PCDHA6: variants seen among roughly 807,000 people sequenced by gnomAD.
The protein encoded by PCDHA6 is protocadherin alpha 6.
PCDHA6 carries 55 observed loss-of-function variants against 60.3 expected under a neutral mutation model. The observed-to-expected ratio is 0.91, with a 90% CI of 0.73 to 1.14. The LOEUF is 1.14. Ranked by LOEUF, PCDHA6 falls within the 50% of genes most tolerant of loss-of-function variation. The probability of loss-of-function intolerance (pLI) is 0.00; values close to 1 mark genes in which losing one functional copy is unlikely to be tolerated. For missense variants in PCDHA6, 1,327 were observed against 1,256.5 expected, an observed-to-expected ratio of 1.06 and a Z score of -0.85; for synonymous variants, 652 against 557.9, an observed-to-expected ratio of 1.17 and a Z score of -2.38.
chr5:140,845,946 A>G (rs1430863915), intron 1 of PCDHA6, among the ~76,000 whole-genome samples: 2 of 149,792 alleles, frequency 1.3e-5, no homozygotes, highest in East Asian at 1.9e-4. Flanking sequence ...CTGTAAAGTC[A>G]TTTTTTAGAT....
chr5:140,908,494 C>A (rs559456993), intron 1 of PCDHA6, among the ~76,000 whole-genome samples: 1 of 152,310 alleles, frequency 6.6e-6, no homozygotes, highest in East Asian at 1.9e-4. Flanking sequence ...GTTCAGGTTG[C>A]TTGGTGACTT....
intron 1 of PCDHA6, chr5:140,835,702 G>A: frequency 6.2e-7 from 1 of 1,613,922 alleles, no homozygotes; most frequent in South Asian, 1.1e-5. Flanking sequence ...GCCACTGCTA[G>A]CGTGTCCGTG....
intron 1 of PCDHA6, chr5:140,883,942 G>A (rs1223058684): frequency 1.9e-6 from 3 of 1,613,328 alleles, no homozygotes; most frequent in African/African-American, 2.7e-5. Context: ...TGCTGGACGA[G>A]AACGACAACG....
At chr5:140,982,688 A>ATACATACATGATTTCCT in intron 3 of PCDHA6, 125 bp downstream of exon 3, 1 of 1,415,764 alleles carries the variant, frequency 7.1e-7, no homozygotes, top group Non-Finnish European at 9.3e-7. Flanking sequence ...CCTTTTTTCC[A>ATACATACATGATTTCCT]TACATACATG....
chr5:140,897,613 A>C (rs1252972033), intron 1 of PCDHA6, among the ~76,000 whole-genome samples: 2 of 152,052 alleles, frequency 1.3e-5, no homozygotes, highest in Non-Finnish European at 2.9e-5. Flanking sequence ...GTTGGTTCCA[A>C]GTCTTTACTA....
At chr5:140,883,387 T>C in intron 1 of PCDHA6, 1 of 1,614,150 alleles carries the variant, frequency 6.2e-7, no homozygotes, top group Non-Finnish European at 8.5e-7. Flanking sequence ...CCCTAATCAG[T>C]GTGTCCGATC....
rs147047116 is a variant in PCDHA6, at chr5:140,937,713, C to T, written c.2395-41236C>T. Among the ~76,000 whole-genome samples the T allele has an allele frequency of 7.0e-4, 107 of 151,998 alleles. No homozygotes were observed. The East Asian group carries it at 0.02, about 28-fold the overall frequency. On this transcript the variant is annotated intron_variant, in intron 1 of 3. Transcript: ENST00000529310. The stretch of plus-strand genomic sequence containing the variant: ...GGATCACGAGGTCAGGAGATCAAGA[C>T]CATCCTGGCTAACACGGTGAAACCC...
intron 1 of PCDHA6, chr5:140,877,748 G>C: frequency 6.2e-7 from 1 of 1,614,188 alleles, no homozygotes; most frequent in Non-Finnish European, 8.5e-7. Flanking sequence ...CAGAGGGTGT[G>C]CTCTGCAGAG....
At chr5:141,006,372 C>T (rs781874533) in intron 3 of PCDHA6, among the ~76,000 whole-genome samples, 10 of 151,926 alleles carry the variant, frequency 6.6e-5, no homozygotes, top group Non-Finnish European at 1.0e-4. Context: ...CCACCACGCC[C>T]GGCTAAGTTT....
chr5:140,870,237 A>C, intron 1 of PCDHA6: 1 of 1,614,180 alleles, frequency 6.2e-7, no homozygotes, highest in South Asian at 1.1e-5. Flanking sequence ...ACCGTGACTC[A>C]GGTGTCAACG....
At chr5:140,876,164 C>G in intron 1 of PCDHA6, 5 of 1,613,950 alleles carry the variant, frequency 3.1e-6, no homozygotes, top group Non-Finnish European at 4.2e-6. Context: ...ATTCAAATAA[C>G]CGTCCTGGAT....
At chr5:140,950,555 C>T (rs1421946616) in intron 1 of PCDHA6, among the ~76,000 whole-genome samples, 1 of 151,964 alleles carries the variant, frequency 6.6e-6, no homozygotes, top group Non-Finnish European at 1.5e-5. Flanking sequence ...GCTGGGGGGA[C>T]ACTTATTTTA....
chr5:140,903,124 T>C (rs1554190771), intron 1 of PCDHA6, among the ~76,000 whole-genome samples: 1 of 152,234 alleles, frequency 6.6e-6, no homozygotes, highest in Non-Finnish European at 1.5e-5. Context: ...TCTAAATCTT[T>C]AAGAAATCTC....
chr5:140,852,387 C>T (rs1288868596), intron 1 of PCDHA6: 3 of 184,816 alleles, frequency 1.6e-5, no homozygotes, highest in African/African-American at 4.9e-5. Context: ...AAGCAATTCT[C>T]CTGCCTCAGC....
chr5:140,896,214 G>C (rs1265727629), intron 1 of PCDHA6, among the ~76,000 whole-genome samples: 4 of 152,208 alleles, frequency 2.6e-5, no homozygotes, highest in Non-Finnish European at 5.9e-5. Context: ...ACACATACAT[G>C]TGTCTTTATA....
At chr5:140,854,823 T>C (rs1007254376) in intron 1 of PCDHA6, among the ~76,000 whole-genome samples, 1 of 149,812 alleles carries the variant, frequency 6.7e-6, no homozygotes, top group Non-Finnish European at 1.5e-5. Flanking sequence ...CAAGTGGTGA[T>C]GAAAAACTTC....
chr5:140,869,878 A>T, intron 1 of PCDHA6: 1 of 1,610,122 alleles, frequency 6.2e-7, no homozygotes, highest in Non-Finnish European at 8.5e-7. Flanking sequence ...TGCTAAAGAA[A>T]CTCTTGTGCT....
chr5:140,972,213 C>T (rs1312530794), intron 1 of PCDHA6, among the ~76,000 whole-genome samples: 3 of 151,932 alleles, frequency 2.0e-5, no homozygotes, highest in African/African-American at 7.3e-5. Flanking sequence ...GAATATGGCT[C>T]ACTGCAGCCT....
chr5:140,836,217 C>T, intron 1 of PCDHA6: 1 of 1,613,820 alleles, frequency 6.2e-7, no homozygotes, highest in Non-Finnish European at 8.5e-7. Flanking sequence ...GTATGAGTTG[C>T]AACCGGTGGC....
Sources: gnomAD v4.1 joint callset for allele counts (sites outside exome capture counted in the v4.1 genomes callset) on GRCh38, gnomAD v4.1.1 for gene constraint, MANE v1.5 for transcripts, NCBI Gene and HGNC (gene_info 2026-07-23, HGNC 2026-07-21) for gene names.